GABRG1: variants seen among roughly 807,000 people sequenced by gnomAD.
GABRG1 encodes the protein gamma-aminobutyric acid type A receptor subunit gamma1, also known as gamma-aminobutyric acid receptor subunit gamma-1.
GABRG1 carries 49 observed loss-of-function variants against 49.8 expected under a neutral mutation model. The observed-to-expected ratio is 0.98, with a 90% CI of 0.78 to 1.25. GABRG1 has a LOEUF of 1.25. Ranked by LOEUF, GABRG1 falls within the 50% of genes most tolerant of loss-of-function variation. The probability of loss-of-function intolerance (pLI) is 0.00; values close to 1 mark genes in which losing one functional copy is unlikely to be tolerated. For synonymous variants in GABRG1, 232 were observed against 185.1 expected (o/e 1.25, Z -2.06); for missense variants, 552 against 552.3 (o/e 1.00, Z 0.01).
In GABRG1 at chr4:46,082,237, C is replaced by T. The variant is rs191297228; in HGVS notation, c.321+1749G>A. Among the ~76,000 whole-genome samples the T allele has an allele frequency of 9.2e-5, 14 of 151,766 alleles. No individual in the cohort carries two copies. In the East Asian group the frequency reaches 2.5e-3, roughly 27 times the overall value. On this transcript the variant is annotated intron_variant, in intron 3 of 8. Transcript: ENST00000295452. ...AACACTATTTATTCTATGTATAAAA[C>T]ATAAAAAATGAATATCACACTTTCT...
In GABRG1 at chr4:46,043,879, A is replaced by G. The variant is rs1717881636; in HGVS notation, c.1132-2625T>C. Among the ~76,000 whole-genome samples the G allele has an allele frequency of 2.6e-5, 4 of 151,954 alleles. No individual in the cohort carries two copies. The South Asian group carries it at 8.3e-4, about 31-fold the overall frequency. The stretch of plus-strand genomic sequence containing the variant: ...AATAAAATATATTTTAAGCACCAAA[A>G]TATACTAATATCAAATAAATGGGAA... On this transcript the variant is annotated intron_variant, in intron 8 of 8. Transcript: ENST00000295452.
chr4:46,105,823 A>AGATAGATAGATAGAT (rs1324311296), intron 1 of GABRG1, among the ~76,000 whole-genome samples: 2 of 146,844 alleles, frequency 1.4e-5, no homozygotes, highest in Non-Finnish European at 3.0e-5. Flanking sequence ...ATAGATAGAT[A>AGATAGATAGATAGAT]GATAGATAGA....
chr4:46,115,343 T>C (rs1720850172), intron 1 of GABRG1, among the ~76,000 whole-genome samples: 1 of 150,646 alleles, frequency 6.6e-6, no homozygotes, highest in African/African-American at 2.4e-5. Flanking sequence ...ATACAAGAAT[T>C]ATTCCGTAAG....
At chr4:46,060,743 C>A (rs766396358) in intron 5 of GABRG1, among the ~76,000 whole-genome samples, 1 of 152,058 alleles carries the variant, frequency 6.6e-6, no homozygotes, top group African/African-American at 2.4e-5. Flanking sequence ...CATCTTCTTT[C>A]ACTTGCTCTC....
chr4:46,062,561 C>A (rs554379473), intron 5 of GABRG1, among the ~76,000 whole-genome samples: 4 of 152,108 alleles, frequency 2.6e-5, no homozygotes, highest in Non-Finnish European at 5.9e-5. Context: ...TTTTAATGAT[C>A]GCCATTTTAA....
At position 46,109,294 on chromosome 4, in the gene GABRG1, A is replaced by G. The variant is rs1475602862; in HGVS notation, c.105-11945T>C. 3.3e-5 allele frequency among the ~76,000 whole-genome samples: 5 copies of G among 151,026 alleles called. No homozygotes were observed. In the East Asian group the frequency reaches 9.8e-4, roughly 30 times the overall value. Reference sequence around the variant, plus strand: ...TTTATGCATTTGCTCCAGATTTTCTAGTTTGTGTGCATAAAGGTATCCATA... The same window carrying G: ...TTTATGCATTTGCTCCAGATTTTCTGGTTTGTGTGCATAAAGGTATCCATA... On this transcript the variant is annotated intron_variant, in intron 1 of 8. Transcript: ENST00000295452.
chr4:46,058,633 A>T lies in GABRG1; in HGVS notation c.626-11T>A, dbSNP rs1055865300. On this transcript the variant is annotated splice_polypyrimidine_tract_variant and intron_variant, in intron 5 of 8. Transcript: ENST00000295452. ...TTTTAGGGTATCCATCTATAGAGAA[A>T]AAATACATAGATTAGCAAGATCCAA... 1 of 1,605,090 alleles carries T rather than the reference A, an allele frequency of 6.2e-7. No individual in the cohort carries two copies. The highest frequency in any genetic ancestry group is 8.5e-7 in the Non-Finnish European group (1 of 1,174,502).
At chr4:46,102,352 A>T (rs1014977124) in intron 1 of GABRG1, among the ~76,000 whole-genome samples, 83 of 151,776 alleles carry the variant, frequency 5.5e-4, no homozygotes, top group African/African-American at 1.9e-3. Flanking sequence ...TTCCTGTCAG[A>T]CTAGGAGCCC....
chr4:46,065,590 A>G lies in GABRG1; in HGVS notation c.322-6T>C, dbSNP rs1718881272. ...ATTATATCTATTGTATATTCCTAAA[A>G]TATAAGAAGAGTAACAACATATTAG... On this transcript the variant is annotated splice_region_variant and splice_polypyrimidine_tract_variant and intron_variant, in intron 3 of 8. Coordinates refer to ENST00000295452, the MANE Select transcript of GABRG1 (RefSeq NM_173536.4). The G allele has an allele frequency of 3.2e-6, 4 of 1,249,846 alleles. No individual in the cohort carries two copies. Among genetic ancestry groups the G allele is most frequent in the Non-Finnish European group, 4.6e-6 (4 of 863,764 alleles). 77.4% of individuals were successfully genotyped at this position (1,249,846 alleles called of 1,614,324 possible). A position where few individuals can be genotyped will look rare whatever the true frequency, so the allele number is the denominator to read the frequency against.
At chr4:46,077,034 T>G (rs1386545496) in intron 3 of GABRG1, among the ~76,000 whole-genome samples, 2 of 149,548 alleles carry the variant, frequency 1.3e-5, no homozygotes, top group African/African-American at 4.9e-5. Context: ...ACGGATTTCT[T>G]AAAAGTAATG....
Position 46,077,501 on chromosome 4 carries a change from T to A in GABRG1, c.321+6485A>T, listed in dbSNP as rs562256845. The stretch of plus-strand genomic sequence containing the variant: ...TCTATCTAAATTAAATTTCTAATTT[T>A]CTTGGTTGAGTATGTATTTCTTTTA... On this transcript the variant is annotated intron_variant, in intron 3 of 8. Transcript: ENST00000295452. Among the ~76,000 whole-genome samples the A allele has an allele frequency of 4.6e-5, 7 of 152,154 alleles. No homozygotes were observed. In the South Asian group the frequency reaches 1.4e-3, roughly 32 times the overall value.
chr4:46,110,941 G>A (rs1720692592), intron 1 of GABRG1, among the ~76,000 whole-genome samples: 1 of 151,102 alleles, frequency 6.6e-6, no homozygotes, highest in Admixed American at 6.6e-5. Flanking sequence ...ACTGAAACAG[G>A]ACAAGGATGG....
chr4:46,104,371 T>G (rs1179051741), intron 1 of GABRG1, among the ~76,000 whole-genome samples: 1 of 151,546 alleles, frequency 6.6e-6, no homozygotes, highest in African/African-American at 2.4e-5. Context: ...TTCTCCAGCC[T>G]CAGATATTAT....
In GABRG1 at chr4:46,097,337, T is replaced by G; in HGVS notation, c.117A>C (p.Ala39=). 1 of 1,607,516 alleles carries G rather than the reference T, an allele frequency of 6.2e-7. No homozygotes were observed. The highest frequency in any genetic ancestry group is 1.3e-5 in the African/African-American group (1 of 74,538). Residue 39 remains alanine (A), a synonymous_variant, in exon 2 of 9, where the codon GCA becomes GCC. Coordinates refer to ENST00000295452, the MANE Select transcript of GABRG1 (RefSeq NM_173536.4). ...TLHLGNCVDK[A]DDEDDEDLTV... Reference sequence around the variant, plus strand: ...TTAAATCCTCATCATCTTCATCATCTGCCTTATCAACACTAAATAATTCAA... The same window carrying G: ...TTAAATCCTCATCATCTTCATCATCGGCCTTATCAACACTAAATAATTCAA...
intron 5 of GABRG1, among the ~76,000 whole-genome samples, chr4:46,061,382 G>T (rs1351044591): frequency 6.6e-6 from 1 of 152,048 alleles, no homozygotes; most frequent in African/African-American, 2.4e-5. Context: ...AGTAAGTGAA[G>T]AAGTAGGGTT....
At chr4:46,054,100 A>G (rs1237456187) in intron 7 of GABRG1, among the ~76,000 whole-genome samples, 1 of 64,204 alleles carries the variant, frequency 1.6e-5, no homozygotes, top group African/African-American at 8.4e-5. Context: ...TTTATTAAAT[A>G]GGGAATCCTT....
Position 46,094,831 on chromosome 4 carries a change from C to T in GABRG1, c.253+2370G>A, listed in dbSNP as rs535673229. On this transcript the variant is annotated intron_variant, in intron 2 of 8. Transcript: ENST00000295452. ...CAATAAGCTAAGATCTTGTAGAACA[C>T]CCAGAAACCACAAAATTAAAAGGAC... 7.9e-5 allele frequency among the ~76,000 whole-genome samples: 12 copies of T among 151,854 alleles called. 1 individual carries two copies. Among genetic ancestry groups the T allele is most frequent in the Admixed American group, 3.3e-4 (5 of 15,202 alleles).
chr4:46,063,654 G>A (rs1718797228), intron 5 of GABRG1, among the ~76,000 whole-genome samples: 1 of 151,988 alleles, frequency 6.6e-6, no homozygotes, highest in African/African-American at 2.4e-5. Flanking sequence ...CAAAAGCAAT[G>A]GCAACAAAAG....
intron 1 of GABRG1, among the ~76,000 whole-genome samples, chr4:46,112,378 T>C (rs1341235146): frequency 6.6e-6 from 1 of 151,412 alleles, no homozygotes; most frequent in African/African-American, 2.4e-5. Flanking sequence ...GCTTATACAC[T>C]GTTGATGAGA....
Sources: allele counts gnomAD v4.1 joint callset (sites outside exome capture counted in the v4.1 genomes callset), GRCh38; gene constraint gnomAD v4.1.1; transcripts MANE v1.5; gene names NCBI Gene and HGNC (gene_info 2026-07-23, HGNC 2026-07-21).